Variants in TRPM3 observed in about 807,000 individuals in gnomAD.
TRPM3 encodes transient receptor potential cation channel subfamily M member 3, also known as long transient receptor potential channel 3.
In TRPM3, 77 loss-of-function variants were observed where a neutral mutation model predicts 181.2. The observed-to-expected ratio is 0.42, with a 90% CI of 0.35 to 0.51. The LOEUF (loss-of-function observed/expected upper bound fraction) is 0.51, where lower values mean the gene tolerates loss of function less well. TRPM3 is among the 20% of genes least tolerant of loss of function. The probability of loss-of-function intolerance (pLI) is 0.01; values close to 1 mark genes in which losing one functional copy is unlikely to be tolerated. For synonymous variants in TRPM3, 745 were observed against 796.4 expected, an observed-to-expected ratio of 0.94 and a Z score of 1.09; for missense variants, 1,759 against 2,196.7, an observed-to-expected ratio of 0.80 and a Z score of 3.98.
intron 6 of TRPM3, among the ~76,000 whole-genome samples, chr9:70,795,664 G>A (rs1037951079): frequency 6.6e-6 from 1 of 152,286 alleles, no homozygotes; most frequent in Middle Eastern, 3.4e-3. Context: ...CAACCAGCTT[G>A]TTAAGTCTTT....
At position 71,077,079 on chromosome 9, in the gene TRPM3, C is replaced by T. The variant is rs1296917285; in HGVS notation, c.177+44099G>A. On this transcript the variant is annotated intron_variant, in intron 1 of 25. Transcript: ENST00000677713. The stretch of plus-strand genomic sequence containing the variant: ...TCCCTTTCAACTCCAGGCTGTAGAG[C>T]CCTCTCCTGTAGAGGTTCTAAATCC... 3.3e-5 allele frequency among the ~76,000 whole-genome samples: 5 copies of T among 152,168 alleles called. No homozygotes were observed. The East Asian group carries it at 5.8e-4, about 18-fold the overall frequency.
intron 3 of TRPM3, among the ~76,000 whole-genome samples, chr9:70,848,696 G>GTCAGTCTA (rs1589201797): frequency 8.5e-6 from 1 of 118,316 alleles, no homozygotes; most frequent in Admixed American, 8.3e-5. Flanking sequence ...GAAATTACCT[G>GTCAGTCTA]GCCGGGCGCG....
intron 6 of TRPM3, among the ~76,000 whole-genome samples, chr9:70,793,202 C>G (rs1485624911): frequency 6.6e-6 from 1 of 152,026 alleles, no homozygotes; most frequent in East Asian, 1.9e-4. Context: ...TGCCGTAATC[C>G]CAGCTCTTTG....
chr9:70,570,300 G>A (rs962368809), intron 22 of TRPM3, among the ~76,000 whole-genome samples: 6 of 120,382 alleles, frequency 5.0e-5, no homozygotes, highest in South Asian at 5.2e-4. Context: ...CATATTACTA[G>A]AGTTTTTTTT....
intron 1 of TRPM3, among the ~76,000 whole-genome samples, chr9:71,029,233 T>C (rs1034702549): frequency 6.6e-6 from 1 of 152,170 alleles, no homozygotes; most frequent in African/African-American, 2.4e-5. Flanking sequence ...ACTATCCAAA[T>C]TCACAGACCT....
At chr9:71,047,487 G>C (rs1008749723) in intron 1 of TRPM3, among the ~76,000 whole-genome samples, 2 of 152,040 alleles carry the variant, frequency 1.3e-5, no homozygotes, top group Non-Finnish European at 2.9e-5. Flanking sequence ...AAGAATGTAC[G>C]CATGTCACAT....
At position 71,047,812 on chromosome 9, in the gene TRPM3, A is replaced by T. The variant is rs7036949; in HGVS notation, c.177+73366T>A. On this transcript the variant is annotated intron_variant, in intron 1 of 25. Transcript: ENST00000677713. ...AAGATACAAGACTACTGGCTGCATC[A>T]CACACACACACACACACACACACAC... Among the ~76,000 whole-genome samples the T allele has an allele frequency of 0.019, 160 of 8,404 alleles. No homozygotes were observed. In the African/African-American group the frequency reaches 0.2, roughly 10 times the overall value. The allele number at this position is 8,404 out of a possible 152,430, so 5.5% of individuals were successfully genotyped here.
At chr9:71,445,868 A>G (rs1481641331) in intron 1 of TRPM3, among the ~76,000 whole-genome samples, 7 of 152,240 alleles carry the variant, frequency 4.6e-5, no homozygotes, top group Non-Finnish European at 4.4e-5. Flanking sequence ...CCCAGGAGCA[A>G]CAGGAGGACT....
At chr9:70,688,320 G>T (rs888462719) in intron 8 of TRPM3, among the ~76,000 whole-genome samples, 2 of 152,062 alleles carry the variant, frequency 1.3e-5, no homozygotes, top group Admixed American at 6.5e-5. Flanking sequence ...TATTTCAATA[G>T]TTTTTGGAGT....
chr9:70,680,064 A>G (rs944469993), intron 9 of TRPM3, among the ~76,000 whole-genome samples: 6 of 152,180 alleles, frequency 3.9e-5, no homozygotes, highest in African/African-American at 1.4e-4. Context: ...CTAAGTCGCA[A>G]TCAGGATTTT....
In TRPM3 at chr9:71,160,898, C is replaced by A. The variant is rs569388263; in HGVS notation, c.183+285755G>T. 2.0e-5 allele frequency among the ~76,000 whole-genome samples: 3 copies of A among 152,188 alleles called. No homozygotes were observed. The South Asian group carries it at 6.2e-4, about 32-fold the overall frequency. On this transcript the variant is annotated intron_variant, in intron 1 of 24. Coordinates refer to the TRPM3 transcript ENST00000357533. ...TTTATGGTTTTGTATTGCTGGTAGA[C>A]AAAATATTAGACCTAAGCAAGCCTT...
chr9:71,341,694 T>TAA (rs56213553), intron 1 of TRPM3, among the ~76,000 whole-genome samples: 1 of 150,826 alleles, frequency 6.6e-6, no homozygotes, highest in African/African-American at 2.4e-5. Context: ...AAAAAACTGG[T>TAA]AAAAAAAAAA....
chr9:70,972,147 C>T (rs530367919), intron 1 of TRPM3, among the ~76,000 whole-genome samples: 33 of 152,090 alleles, frequency 2.2e-4, no homozygotes, highest in African/African-American at 7.2e-4. Flanking sequence ...TATTCATAGC[C>T]GCATCATTCA....
intron 12 of TRPM3, among the ~76,000 whole-genome samples, chr9:70,628,338 C>T (rs1335668106): frequency 6.6e-6 from 1 of 152,172 alleles, no homozygotes; most frequent in Non-Finnish European, 1.5e-5. Context: ...TCTATCTGTC[C>T]TTTGGCCAGC....
At chr9:71,248,502 G>A (rs537062621) in intron 1 of TRPM3, among the ~76,000 whole-genome samples, 3 of 152,280 alleles carry the variant, frequency 2.0e-5, no homozygotes, top group South Asian at 4.1e-4. Flanking sequence ...TAGACTCTAC[G>A]TTAACCAACT....
At chr9:71,025,532 T>C (rs1472480130) in intron 1 of TRPM3, among the ~76,000 whole-genome samples, 1 of 152,240 alleles carries the variant, frequency 6.6e-6, no homozygotes, top group Non-Finnish European at 1.5e-5. Flanking sequence ...GAAAATACCA[T>C]TTCTGTAATA....
chr9:70,701,774 G>T (rs1398936753), intron 8 of TRPM3, among the ~76,000 whole-genome samples: 1 of 152,176 alleles, frequency 6.6e-6, no homozygotes. Context: ...AAATATAACT[G>T]CTTAAGGTAG....
chr9:70,583,265 G>A (rs747420171), intron 22 of TRPM3, among the ~76,000 whole-genome samples: 5 of 152,216 alleles, frequency 3.3e-5, no homozygotes, highest in Non-Finnish European at 7.3e-5. Context: ...ATGTGAGTCT[G>A]CACATACACG....
chr9:71,440,139 A>AATAT (rs1181184188), intron 1 of TRPM3, among the ~76,000 whole-genome samples: 1 of 152,124 alleles, frequency 6.6e-6, no homozygotes, highest in African/African-American at 2.4e-5. Context: ...TAAATAAATA[A>AATAT]ATAAATACTT....
Sources: gnomAD v4.1 joint callset for allele counts (sites outside exome capture counted in the v4.1 genomes callset) on GRCh38, gnomAD v4.1.1 for gene constraint, MANE v1.5 for transcripts, NCBI Gene and HGNC (gene_info 2026-07-23, HGNC 2026-07-21) for gene names.